The following KCNIP4 variants were observed in gnomAD, a reference collection of about 807,000 sequenced individuals.
The protein encoded by KCNIP4 is Kv channel-interacting protein 4.
KCNIP4 carries 12 observed loss-of-function variants against 34.0 expected under a neutral mutation model. The ratio of observed to expected loss-of-function variants is 0.35; its 90% CI spans 0.23 to 0.57. The LOEUF (loss-of-function observed/expected upper bound fraction) is 0.57, where lower values mean the gene tolerates loss of function less well. Ranked by LOEUF, KCNIP4 falls within the 20% of genes least tolerant of loss-of-function variation. The pLI is 0.83. For missense variants in KCNIP4, 238 were observed against 311.7 expected (o/e 0.76, Z 1.78); for synonymous variants, 124 against 102.2 (o/e 1.21, Z -1.29).
chr4:21,128,192 A>G (rs1021095423), intron 1 of KCNIP4, among the ~76,000 whole-genome samples: 3 of 152,254 alleles, frequency 2.0e-5, no homozygotes, highest in Non-Finnish European at 4.4e-5. Context: ...ACAATAAAGT[A>G]CAACAGCTTT....
intron 1 of KCNIP4, among the ~76,000 whole-genome samples, chr4:21,150,870 T>C (rs929989695): frequency 1.3e-5 from 2 of 152,198 alleles, no homozygotes; most frequent in African/African-American, 4.8e-5. Flanking sequence ...AGGACTCAAG[T>C]TGGCCATTAT....
At chr4:20,868,447 T>G (rs1234514427) in intron 2 of KCNIP4, among the ~76,000 whole-genome samples, 1 of 152,024 alleles carries the variant, frequency 6.6e-6, no homozygotes, top group African/African-American at 2.4e-5. Context: ...TCAAAGAACT[T>G]AAAACAGGGC....
At chr4:21,197,577 CT>C (rs1756146145) in intron 1 of KCNIP4, among the ~76,000 whole-genome samples, 5 of 151,980 alleles carry the variant, frequency 3.3e-5, no homozygotes, top group African/African-American at 1.2e-4. Flanking sequence ...AGTTCTGTTA[CT>C]AGTTTAGTTT....
intron 1 of KCNIP4, among the ~76,000 whole-genome samples, chr4:21,823,371 T>C (rs1722484372): frequency 6.6e-6 from 1 of 151,764 alleles, no homozygotes; most frequent in Non-Finnish European, 1.5e-5. Flanking sequence ...AAATTAAGTG[T>C]ATGCTAGAGG....
At chr4:21,567,796 T>C (rs1430653240) in intron 1 of KCNIP4, among the ~76,000 whole-genome samples, 1 of 152,108 alleles carries the variant, frequency 6.6e-6, no homozygotes, top group Non-Finnish European at 1.5e-5. Flanking sequence ...ACGACAATAT[T>C]GAGTATCCTG....
Position 21,538,063 on chromosome 4 carries a change from G to A in KCNIP4, c.61+410508C>T, listed in dbSNP as rs534006689. On this transcript the variant is annotated intron_variant, in intron 1 of 8. Coordinates refer to ENST00000382152, the MANE Select transcript of KCNIP4 (RefSeq NM_025221.6). ...AAGACAAGGGAAATTTGGAGATGGAGATACAGATAATGAAAAGAAGGGCAT... is the reference window on the plus strand; with the variant it reads ...AAGACAAGGGAAATTTGGAGATGGAAATACAGATAATGAAAAGAAGGGCAT... 4.9e-5 allele frequency among the ~76,000 whole-genome samples: 7 copies of A among 144,138 alleles called. No individual in the cohort carries two copies. The South Asian group carries it at 1.3e-3, about 28-fold the overall frequency. 94.6% of individuals were successfully genotyped at this position (144,138 alleles called of 152,430 possible). A position where few individuals can be genotyped will look rare whatever the true frequency, so the allele number is the denominator to read the frequency against.
chr4:21,027,121 T>G (rs1236228533), intron 1 of KCNIP4, among the ~76,000 whole-genome samples: 1 of 152,222 alleles, frequency 6.6e-6, no homozygotes, highest in African/African-American at 2.4e-5. Context: ...TTTGAACAGT[T>G]TGACATAGAG....
At chr4:21,835,625 A>G (rs1016239426) in intron 1 of KCNIP4, among the ~76,000 whole-genome samples, 10 of 152,052 alleles carry the variant, frequency 6.6e-5, no homozygotes, top group Non-Finnish European at 1.0e-4. Context: ...TTTAACTAAC[A>G]ATCTTACTTG....
intron 1 of KCNIP4, among the ~76,000 whole-genome samples, chr4:21,425,229 ACTAC>A (rs1403206010): frequency 1.3e-5 from 2 of 152,212 alleles, no homozygotes; most frequent in Non-Finnish European, 2.9e-5. Context: ...GGCATAAAAT[ACTAC>A]CTAACTTAAC....
intron 1 of KCNIP4, among the ~76,000 whole-genome samples, chr4:21,798,566 G>T (rs1214532900): frequency 9.2e-6 from 1 of 108,594 alleles, no homozygotes. Flanking sequence ...GAAAGAAAAA[G>T]AAAGAAAGAA....
chr4:21,319,388 C>T (rs1210523094), intron 1 of KCNIP4, among the ~76,000 whole-genome samples: 1 of 152,204 alleles, frequency 6.6e-6, no homozygotes, highest in African/African-American at 2.4e-5. Flanking sequence ...TGCTGCAGTT[C>T]TTATAACTAG....
intron 1 of KCNIP4, among the ~76,000 whole-genome samples, chr4:21,929,817 A>C (rs1391291704): frequency 6.6e-6 from 1 of 152,152 alleles, no homozygotes; most frequent in Non-Finnish European, 1.5e-5. Context: ...CATTTTACTT[A>C]ACCATGCAAA....
intron 1 of KCNIP4, among the ~76,000 whole-genome samples, chr4:21,890,582 C>T (rs903844522): frequency 6.6e-6 from 1 of 152,064 alleles, no homozygotes; most frequent in Non-Finnish European, 1.5e-5. Context: ...CAGCTTCATA[C>T]CAGATACTAC....
At chr4:21,897,080 G>T (rs1036658374) in intron 1 of KCNIP4, among the ~76,000 whole-genome samples, 1 of 151,790 alleles carries the variant, frequency 6.6e-6, no homozygotes. Context: ...CCTCTCTTTG[G>T]TGGTATTTTT....
intron 1 of KCNIP4, chr4:21,844,874 A>T (rs1314735976): frequency 6.6e-6 from 1 of 151,616 alleles, no homozygotes; most frequent in Non-Finnish European, 1.5e-5. Flanking sequence ...AAAGAGAATT[A>T]TTTCTGTAAT....
At chr4:20,915,619 T>C (rs1728736257) in intron 1 of KCNIP4, among the ~76,000 whole-genome samples, 1 of 152,152 alleles carries the variant, frequency 6.6e-6, no homozygotes, top group Admixed American at 6.6e-5. Context: ...TCTTCTTTCT[T>C]CAATCAAGGG....
At chr4:21,108,664 G>A (rs1453246968) in intron 1 of KCNIP4, among the ~76,000 whole-genome samples, 1 of 151,674 alleles carries the variant, frequency 6.6e-6, no homozygotes, top group East Asian at 1.9e-4. Flanking sequence ...TTTGGAGGAG[G>A]AGAGGCACTC....
chr4:21,258,772 C>T (rs1454669281), intron 1 of KCNIP4, among the ~76,000 whole-genome samples: 1 of 152,104 alleles, frequency 6.6e-6, no homozygotes, highest in Non-Finnish European at 1.5e-5. Context: ...CCTACCCCTA[C>T]TGGAATGCTT....
chr4:20,788,792 C>T (rs1712341942), intron 3 of KCNIP4, among the ~76,000 whole-genome samples: 1 of 152,006 alleles, frequency 6.6e-6, no homozygotes, highest in African/African-American at 2.4e-5. Context: ...GAATTCAGAG[C>T]AAACAAAAAT....
Sources: allele counts gnomAD v4.1 joint callset (sites outside exome capture counted in the v4.1 genomes callset), GRCh38; gene constraint gnomAD v4.1.1; transcripts MANE v1.5; gene names NCBI Gene and HGNC (gene_info 2026-07-23, HGNC 2026-07-21).